Variants in CADPS2 observed in about 807,000 individuals in gnomAD.
CADPS2 encodes the protein calcium dependent secretion activator 2, also known as calcium-dependent secretion activator 2.
Under a neutral mutation model 172.5 loss-of-function variants are expected in CADPS2, and 93 were observed. The ratio of observed to expected loss-of-function variants is 0.54; its 90% CI spans 0.46 to 0.64. The LOEUF is 0.64. CADPS2 is among the 30% of genes least tolerant of loss of function. The pLI, the probability that CADPS2 is intolerant of heterozygous loss-of-function variation, is 0.00. For missense variants in CADPS2, 1,420 were observed against 1,565.9 expected, an observed-to-expected ratio of 0.91 and a Z score of 1.57; for synonymous variants, 546 against 555.2, an observed-to-expected ratio of 0.98 and a Z score of 0.23.
At position 122,471,757 on chromosome 7, in the gene CADPS2, C is replaced by CAA. The variant is rs2055982380; in HGVS notation, c.1999-196_1999-195insTT. 2.0e-5 allele frequency among the ~76,000 whole-genome samples: 3 copies of CAA among 152,090 alleles called. No individual in the cohort carries two copies. In the South Asian group the frequency reaches 6.2e-4, roughly 32 times the overall value. ...GATTTGGGACACTGGCAACCTAATG[C>CAA]TATTCTCTTTTTACTGTCACAGCAA... is the stretch of plus-strand genomic sequence containing the variant. On this transcript the variant is annotated intron_variant, in intron 13 of 29. Transcript: ENST00000449022.
chr7:122,510,503 C>T (rs1286666118), intron 9 of CADPS2, among the ~76,000 whole-genome samples: 3 of 152,158 alleles, frequency 2.0e-5, no homozygotes, highest in Admixed American at 6.6e-5. Flanking sequence ...AATGACTTTG[C>T]AGCTGGCCAA....
At chr7:122,628,349 AT>A (rs2076273820) in intron 4 of CADPS2, among the ~76,000 whole-genome samples, 1 of 152,030 alleles carries the variant, frequency 6.6e-6, no homozygotes, top group Non-Finnish European at 1.5e-5. Context: ...CATTATCTTG[AT>A]CTGGGAGGTG....
chr7:122,878,309 A>C (rs1310108147), intron 1 of CADPS2, among the ~76,000 whole-genome samples: 1 of 151,562 alleles, frequency 6.6e-6, no homozygotes, highest in Non-Finnish European at 1.5e-5. Flanking sequence ...GATACAAGTA[A>C]AAAATTTCTG....
intron 12 of CADPS2, 72 bp from the exon 13 acceptor site, chr7:122,474,589 A>G (rs1280943619): frequency 7.0e-7 from 1 of 1,436,372 alleles, no homozygotes; most frequent in Non-Finnish European, 9.5e-7. Context: ...AGTTGTGAAG[A>G]ATACAAAATG....
chr7:122,434,531 C>G (rs2050391711), intron 17 of CADPS2, among the ~76,000 whole-genome samples: 1 of 152,142 alleles, frequency 6.6e-6, no homozygotes, highest in South Asian at 2.1e-4. Flanking sequence ...TCTCCAAAGT[C>G]CAGAGTGCCT....
intron 29 of CADPS2, among the ~76,000 whole-genome samples, 198 bp downstream of exon 29, chr7:122,325,279 A>C (rs1563068760): frequency 6.6e-6 from 1 of 151,948 alleles, no homozygotes; most frequent in Admixed American, 6.6e-5. Flanking sequence ...TTGCTAGCAA[A>C]TTTTTTTTAT....
chr7:122,510,475 C>T (rs573724854), intron 9 of CADPS2, among the ~76,000 whole-genome samples: 4 of 152,240 alleles, frequency 2.6e-5, no homozygotes, highest in Non-Finnish European at 2.9e-5. Flanking sequence ...AGTGGCTCCT[C>T]GAGTGTTCAC....
At chr7:122,476,582 A>G (rs1324162388) in intron 12 of CADPS2, among the ~76,000 whole-genome samples, 1 of 152,164 alleles carries the variant, frequency 6.6e-6, no homozygotes, top group Admixed American at 6.6e-5. Context: ...ACACACATGA[A>G]TGGAAAATTA....
intron 17 of CADPS2, among the ~76,000 whole-genome samples, chr7:122,426,382 G>A (rs1176618907): frequency 6.6e-6 from 1 of 152,196 alleles, no homozygotes; most frequent in Non-Finnish European, 1.5e-5. Flanking sequence ...GCCAATCACT[G>A]TGAATGTGTG....
At chr7:122,856,859 G>A (rs58415210) in intron 1 of CADPS2, among the ~76,000 whole-genome samples, 2,579 of 152,278 alleles carry the variant, frequency 0.017, 80 homozygotes, top group African/African-American at 0.059. Flanking sequence ...GCACTGAGGT[G>A]AATATTCTTA....
At chr7:122,496,023 C>G (rs1313528660) in intron 9 of CADPS2, among the ~76,000 whole-genome samples, 1 of 152,100 alleles carries the variant, frequency 6.6e-6, no homozygotes, top group Non-Finnish European at 1.5e-5. Flanking sequence ...TTTCCACAAT[C>G]AATTTTGCCA....
chr7:122,684,719 G>A (rs918574998), intron 2 of CADPS2, among the ~76,000 whole-genome samples: 3 of 152,094 alleles, frequency 2.0e-5, no homozygotes, highest in Non-Finnish European at 4.4e-5. Context: ...TGGGAGGAAA[G>A]AGATTTCTAA....
chr7:122,553,749 A>G (rs1335272941), intron 8 of CADPS2, among the ~76,000 whole-genome samples: 1 of 152,116 alleles, frequency 6.6e-6, no homozygotes, highest in African/African-American at 2.4e-5. Context: ...TTAGACCTCT[A>G]TGTCTGTTGC....
intron 6 of CADPS2, among the ~76,000 whole-genome samples, chr7:122,602,483 A>G (rs1429021329): frequency 2.0e-5 from 3 of 152,082 alleles, no homozygotes. Context: ...AATACATTGT[A>G]TTGACTTTGT....
At chr7:122,617,851 G>A (rs1294774001) in intron 5 of CADPS2, among the ~76,000 whole-genome samples, 1 of 152,128 alleles carries the variant, frequency 6.6e-6, no homozygotes, top group Non-Finnish European at 1.5e-5. Context: ...AGACCATCCT[G>A]GCTAACACAG....
chr7:122,447,231 A>G (rs1399695073), intron 15 of CADPS2, among the ~76,000 whole-genome samples: 1 of 151,950 alleles, frequency 6.6e-6, no homozygotes, highest in East Asian at 1.9e-4. Flanking sequence ...GCCTTGCTCA[A>G]TAGTTTGTTC....
chr7:122,587,710 T>C (rs1393101897), intron 6 of CADPS2, among the ~76,000 whole-genome samples: 1 of 152,162 alleles, frequency 6.6e-6, no homozygotes, highest in African/African-American at 2.4e-5. Flanking sequence ...CATGTATCTT[T>C]GTAACAGAAT....
intron 1 of CADPS2, among the ~76,000 whole-genome samples, chr7:122,783,295 G>C (rs1266327290): frequency 6.6e-6 from 1 of 151,514 alleles, no homozygotes; most frequent in Non-Finnish European, 1.5e-5. Context: ...CAATCTGTTT[G>C]TATTTAATAT....
At chr7:122,444,672 A>G (rs757584577) in intron 15 of CADPS2, among the ~76,000 whole-genome samples, 24 of 152,148 alleles carry the variant, frequency 1.6e-4, no homozygotes, top group Non-Finnish European at 2.6e-4. Context: ...ATTAAACTTT[A>G]AAAGTTTTAT....
Sources: allele counts gnomAD v4.1 joint callset (sites outside exome capture counted in the v4.1 genomes callset), GRCh38; gene constraint gnomAD v4.1.1; transcripts MANE v1.5; gene names NCBI Gene and HGNC (gene_info 2026-07-23, HGNC 2026-07-21).